Variants in ADGRL2 observed in about 807,000 individuals in gnomAD.
ADGRL2 encodes adhesion G protein-coupled receptor L2, also known as calcium-independent alpha-latrotoxin receptor 2.
Under a neutral mutation model 157.4 loss-of-function variants are expected in ADGRL2, and 44 were observed. The observed-to-expected ratio is 0.28, with a 90% CI of 0.22 to 0.36. The LOEUF is 0.36. Among genes scored for constraint, ADGRL2 ranks in the 10% least tolerant of loss-of-function variants. ADGRL2 has a pLI of 1.00. For missense variants in ADGRL2, 1,510 were observed against 1,768.9 expected (o/e 0.85, Z 2.63); for synonymous variants, 585 against 624.7 (o/e 0.94, Z 0.95).
At chr1:81,716,004 T>C (rs1383197044) in intron 1 of ADGRL2, among the ~76,000 whole-genome samples, 1 of 152,172 alleles carries the variant, frequency 6.6e-6, no homozygotes, top group African/African-American at 2.4e-5. Context: ...TACTGAAATA[T>C]ATGATACCAT....
intron 1 of ADGRL2, among the ~76,000 whole-genome samples, chr1:81,720,873 C>A (rs530307417): frequency 6.7e-6 from 1 of 150,012 alleles, no homozygotes; most frequent in South Asian, 2.1e-4. Context: ...TATATATTAA[C>A]ATATATTTAT....
intron 3 of ADGRL2, among the ~76,000 whole-genome samples, chr1:81,934,437 G>T: frequency 6.6e-6 from 1 of 151,820 alleles, no homozygotes; most frequent in Non-Finnish European, 1.5e-5. Context: ...ATTACTTCTG[G>T]TGGAAAAAAT....
At chr1:81,716,862 G>C (rs2084134753) in intron 1 of ADGRL2, among the ~76,000 whole-genome samples, 1 of 152,138 alleles carries the variant, frequency 6.6e-6, no homozygotes, top group African/African-American at 2.4e-5. Context: ...CTGGACATGG[G>C]CTCAAATGCA....
Position 81,752,649 on chromosome 1 carries a change from G to C in ADGRL2, c.-142-9162G>C, listed in dbSNP as rs149218213. Among the ~76,000 whole-genome samples the C allele has an allele frequency of 3.3e-3, 505 of 152,220 alleles. 4 individuals carry two copies. The highest frequency in any genetic ancestry group is 0.011 in the African/African-American group (467 of 41,548). ...GGTGATCCTGCCACCTTAGCCTCCTGAGTAGCTGGTACTACAGGTCCTGGC... is the reference window on the plus strand; with the variant it reads ...GGTGATCCTGCCACCTTAGCCTCCTCAGTAGCTGGTACTACAGGTCCTGGC... On this transcript the variant is annotated intron_variant, in intron 1 of 20. Transcript: ENST00000359929.
chr1:81,935,256 T>A (rs962613694), intron 3 of ADGRL2, among the ~76,000 whole-genome samples: 3 of 151,982 alleles, frequency 2.0e-5, no homozygotes, highest in Admixed American at 6.6e-5. Flanking sequence ...ATTGTGACAC[T>A]ATACCATTTA....
intron 1 of ADGRL2, among the ~76,000 whole-genome samples, chr1:81,329,236 G>A (rs1661112951): frequency 1.3e-5 from 2 of 152,118 alleles, no homozygotes; most frequent in South Asian, 4.1e-4. Flanking sequence ...GGGCAAGGGA[G>A]TAAGGGCCTG....
At position 81,326,149 on chromosome 1, in the gene ADGRL2, T is replaced by C. The variant is rs533520216; in HGVS notation, c.-302+19640T>C. On this transcript the variant is annotated intron_variant, in intron 1 of 24. Coordinates refer to the ADGRL2 transcript ENST00000370721. ...AAAGAATCAGCCACACAACTAAGCA[T>C]CCCATGATAGATACTGTGCTTAATC... 2.2e-4 allele frequency among the ~76,000 whole-genome samples: 34 copies of C among 152,206 alleles called. No individual in the cohort carries two copies. In the South Asian group the frequency reaches 6.6e-3, roughly 30 times the overall value.
chr1:81,491,455 T>G (rs1229749959), intron 2 of ADGRL2, among the ~76,000 whole-genome samples: 2 of 151,100 alleles, frequency 1.3e-5, no homozygotes, highest in Non-Finnish European at 2.9e-5. Flanking sequence ...AAAAAAAGAC[T>G]ACTCAAGATT....
chr1:81,634,789 TG>T (rs2082084027), intron 3 of ADGRL2, among the ~76,000 whole-genome samples: 1 of 152,124 alleles, frequency 6.6e-6, no homozygotes, highest in Non-Finnish European at 1.5e-5. Context: ...CCCAAAGTGC[TG>T]GGATTACAAG....
At chr1:81,823,186 TA>T (rs549505608) in intron 1 of ADGRL2, among the ~76,000 whole-genome samples, 2 of 152,122 alleles carry the variant, frequency 1.3e-5, no homozygotes, top group Non-Finnish European at 2.9e-5. Context: ...TTTCCAGTTT[TA>T]AAAAATTCTG....
At chr1:81,914,292 TA>T (rs2094805202) in intron 3 of ADGRL2, among the ~76,000 whole-genome samples, 1 of 152,150 alleles carries the variant, frequency 6.6e-6, no homozygotes, top group East Asian at 1.9e-4. Flanking sequence ...TAGGTTACAA[TA>T]AACTGTAAAC....
rs566792572 is a variant in ADGRL2, at chr1:81,521,649, A to G, written c.-247-59227A>G. ...ATGTAGAAGAAAAATGATAAATAGC[A>G]TGTCATTTGATGCTTCATAATTTTT... On this transcript the variant is annotated intron_variant, in intron 2 of 24. Transcript: ENST00000370721. Among the ~76,000 whole-genome samples the G allele has an allele frequency of 8.1e-4, 123 of 152,328 alleles. 1 individual carries two copies. The highest frequency in any genetic ancestry group is 1.5e-3 in the South Asian group (7 of 4,824).
chr1:81,501,680 G>A (rs1003422112), intron 2 of ADGRL2: 79 of 1,539,032 alleles, frequency 5.1e-5, no homozygotes, highest in Admixed American at 2.0e-4. Flanking sequence ...AAAACCCGGA[G>A]TGCCCCGCAC....
intron 1 of ADGRL2, among the ~76,000 whole-genome samples, chr1:81,747,768 A>G (rs78057157): frequency 0.069 from 10,521 of 151,764 alleles, 466 homozygotes; most frequent in Non-Finnish European, 0.096. Context: ...AGTGAGAAAG[A>G]GACAAAGTAT....
intron 2 of ADGRL2, among the ~76,000 whole-genome samples, chr1:81,447,622 T>C (rs1393471103): frequency 2.6e-5 from 4 of 152,172 alleles, no homozygotes; most frequent in East Asian, 3.8e-4. Context: ...ATTTTTGATA[T>C]ACAACTTGAA....
intron 3 of ADGRL2, among the ~76,000 whole-genome samples, chr1:81,691,567 C>G (rs9661442): frequency 6.6e-6 from 1 of 151,702 alleles, no homozygotes; most frequent in Non-Finnish European, 1.5e-5. Context: ...GGCACGATCT[C>G]GGCTCACTGC....
chr1:81,722,240 C>A (rs2084354536), intron 1 of ADGRL2: 1 of 395,622 alleles, frequency 2.5e-6, no homozygotes, highest in South Asian at 2.1e-5. Context: ...TTGCAGTGAG[C>A]GGAGATCGCG....
intron 1 of ADGRL2, chr1:81,427,518 G>A: frequency 1.3e-6 from 1 of 750,368 alleles, no homozygotes; most frequent in Non-Finnish European, 2.4e-6. Flanking sequence ...ACGAACCCAT[G>A]TAAGGGGGCA....
At chr1:81,516,748 A>G (rs2079186583) in intron 2 of ADGRL2, among the ~76,000 whole-genome samples, 1 of 152,248 alleles carries the variant, frequency 6.6e-6, no homozygotes, top group South Asian at 2.1e-4. Flanking sequence ...TGGATGAGAC[A>G]GGAAAGCTAA....
Sources: gnomAD v4.1 joint callset for allele counts (sites outside exome capture counted in the v4.1 genomes callset) on GRCh38, gnomAD v4.1.1 for gene constraint, MANE v1.5 for transcripts, NCBI Gene and HGNC (gene_info 2026-07-23, HGNC 2026-07-21) for gene names.